The following LAMC1 variants were observed in gnomAD, a reference collection of about 807,000 sequenced individuals.
LAMC1 encodes laminin subunit gamma 1, also known as laminin subunit gamma-1.
A neutral mutation model predicts 173.6 loss-of-function variants in LAMC1; 38 were observed. That is an observed-to-expected ratio of 0.22 (90% confidence interval 0.17 to 0.29). LAMC1 has a LOEUF of 0.29. LAMC1 is among the 10% of genes least tolerant of loss of function. The pLI, the probability that LAMC1 is intolerant of heterozygous loss-of-function variation, is 1.00. For missense variants in LAMC1, 1,824 were observed against 2,051.8 expected (o/e 0.89, Z 2.14); for synonymous variants, 746 against 749.1 (o/e 1.00, Z 0.07).
chr1:183,128,542 C>T (rs1204499096), intron 17 of LAMC1, 52 bp from the exon 18 acceptor site: 21 of 1,505,596 alleles, frequency 1.4e-5, no homozygotes, highest in Non-Finnish European at 1.7e-5. Flanking sequence ...TTGAGTTCTT[C>T]AGGAATACTT....
chr1:183,110,524 G>C lies in LAMC1; in HGVS notation c.891G>C (p.Lys297Asn). 1 of 1,613,764 alleles carries C rather than the reference G, an allele frequency of 6.2e-7. No homozygotes were observed. Among genetic ancestry groups the C allele is most frequent in the African/African-American group, 1.3e-5 (1 of 75,040 alleles). ...ATGGACACGCAAGCGAGTGTATGAA[G>C]AACGAATTTGATAAGCTGGTGTGTA... is the stretch of plus-strand genomic sequence containing the variant. ...KCNGHASECM[K>N]NEFDKLVCNC... The change falls in exon 4 of 28, where the codon AAG becomes AAC. Residue 297 changes from lysine to asparagine, a missense_variant. Coordinates refer to ENST00000258341, the MANE Select transcript of LAMC1 (RefSeq NM_002293.4).
At chr1:183,080,337 A>G (rs1204767458) in intron 1 of LAMC1, among the ~76,000 whole-genome samples, 1 of 152,186 alleles carries the variant, frequency 6.6e-6, no homozygotes, top group Non-Finnish European at 1.5e-5. Context: ...TGTGTCCTTC[A>G]TCATTGATTA....
Position 183,135,095 on chromosome 1 carries a change from A to T in LAMC1, c.4053A>T (p.Glu1351Asp). The T allele has an allele frequency of 1.9e-6, 3 of 1,614,196 alleles. No homozygotes were observed. Among genetic ancestry groups the T allele is most frequent in the Non-Finnish European group, 2.5e-6 (3 of 1,180,014 alleles). Residue 1351 changes from glutamate to aspartate, a missense_variant, in exon 24 of 28, where the codon GAA (glutamate) becomes GAT (aspartate). Coordinates refer to ENST00000258341, the MANE Select transcript of LAMC1 (RefSeq NM_002293.4). ...RADAAKALAE[E>D]AAKKGRDTLQ... is the part of the protein sequence containing the mutation. Reference sequence around the variant, plus strand: ...ATGCTGCCAAGGCCCTCGCTGAAGAAGCTGCAAAGAAGGGACGGGATACCT... The same window carrying T: ...ATGCTGCCAAGGCCCTCGCTGAAGATGCTGCAAAGAAGGGACGGGATACCT...
At chr1:183,135,814 A>C (rs1656924100) in intron 24 of LAMC1, among the ~76,000 whole-genome samples, 1 of 150,756 alleles carries the variant, frequency 6.6e-6, no homozygotes, top group Non-Finnish European at 1.5e-5. Context: ...CCTTGGGCTC[A>C]GGAGGTCAAG....
Position 183,130,360 on chromosome 1 carries a change from G to T in LAMC1, c.3297G>T (p.Leu1099Phe), listed in dbSNP as rs767096946. ...AQDVKDVDQN[L>F]MDRLQRVNNT... ...CCATTTTAGATGTTGACCAGAATTT[G>T]ATGGATCGCCTACAGAGAGTGAATA... The change falls in exon 19 of 28, where the codon TTG becomes TTT. Residue 1099 changes from leucine to phenylalanine, a missense_variant. Transcript: ENST00000258341. 1.1e-5 allele frequency: 18 copies of T among 1,613,950 alleles called. No homozygotes were observed. Among genetic ancestry groups the T allele is most frequent in the Non-Finnish European group, 1.4e-5 (17 of 1,179,936 alleles).
intron 1 of LAMC1, among the ~76,000 whole-genome samples, chr1:183,083,888 T>C (rs763050988): frequency 6.6e-6 from 1 of 152,216 alleles, no homozygotes; most frequent in Non-Finnish European, 1.5e-5. Flanking sequence ...TAAATTGTGA[T>C]ACAGTGCTTT....
chr1:183,090,539 C>T (rs530164730), intron 1 of LAMC1, among the ~76,000 whole-genome samples: 1 of 152,252 alleles, frequency 6.6e-6, no homozygotes, highest in Admixed American at 6.5e-5. Context: ...AGAGAGAGTG[C>T]CAGCTGGCAG....
chr1:183,087,421 G>A (rs12068927), intron 1 of LAMC1, among the ~76,000 whole-genome samples: 6,927 of 152,262 alleles, frequency 0.045, 340 homozygotes, highest in African/African-American at 0.12. Context: ...GTGTGTATGT[G>A]TGTGACATGT....
At chr1:183,130,288 AGAT>A in intron 18 of LAMC1, 53 bp from the exon 19 acceptor site, 1 of 1,439,596 alleles carries the variant, frequency 6.9e-7, no homozygotes, top group Non-Finnish European at 9.8e-7. Flanking sequence ...ATTTCATGTG[AGAT>A]GATATGATCC....
intron 18 of LAMC1, 76 bp downstream of exon 18, chr1:183,128,826 T>G: frequency 9.1e-7 from 1 of 1,093,448 alleles, no homozygotes; most frequent in Middle Eastern, 2.3e-4. Context: ...GCAAGGTTAG[T>G]ATAGTTTTAT....
chr1:183,092,260 A>C lies in LAMC1; in HGVS notation c.419-11068A>C, dbSNP rs553732611. Among the ~76,000 whole-genome samples the C allele has an allele frequency of 4.6e-5, 7 of 152,316 alleles. No homozygotes were observed. The East Asian group carries it at 1.3e-3, about 29-fold the overall frequency. ...CATTCCACAGAAGCCTTTTGTTAGA[A>C]TCTTCAAAGGATGAGAACCAGGATG... On this transcript the variant is annotated intron_variant, in intron 1 of 27. Transcript: ENST00000258341.
intron 14 of LAMC1, 131 bp downstream of exon 14, chr1:183,125,007 A>C: frequency 8.1e-7 from 1 of 1,227,108 alleles, no homozygotes; most frequent in Non-Finnish European, 1.1e-6. Context: ...TTGTCTTTTA[A>C]AATTTTCTAG....
intron 25 of LAMC1, among the ~76,000 whole-genome samples, chr1:183,136,805 T>C (rs963175314): frequency 6.6e-6 from 1 of 152,066 alleles, no homozygotes; most frequent in African/African-American, 2.4e-5. Context: ...TACTCTAAAA[T>C]TTCTACTATG....
chr1:183,084,730 A>G (rs535811949), intron 1 of LAMC1, among the ~76,000 whole-genome samples: 11 of 152,364 alleles, frequency 7.2e-5, no homozygotes, highest in African/African-American at 2.6e-4. Flanking sequence ...ATTCATTTAA[A>G]TTCTCCGTGG....
At chr1:183,056,045 C>A (rs572979786) in intron 1 of LAMC1, among the ~76,000 whole-genome samples, 3 of 152,256 alleles carry the variant, frequency 2.0e-5, no homozygotes, top group African/African-American at 4.8e-5. Flanking sequence ...AGTCCTCTTT[C>A]TTTAGTAAAG....
intron 1 of LAMC1, among the ~76,000 whole-genome samples, chr1:183,102,158 A>G (rs1655853648): frequency 6.6e-6 from 1 of 152,164 alleles, no homozygotes; most frequent in African/African-American, 2.4e-5. Context: ...ACACATGAGG[A>G]ATCGCTCCTT....
At position 183,133,430 on chromosome 1, in the gene LAMC1, A is replaced by G. The variant is rs778192075; in HGVS notation, c.3729A>G (p.Ser1243=). The G allele has an allele frequency of 5.6e-6, 9 of 1,611,300 alleles. No homozygotes were observed. The South Asian group carries it at 9.9e-5, about 18-fold the overall frequency. ...NRKYEQAKNI[S]QDLEKQAARV... is the part of the protein sequence containing the mutation. Reference sequence around the variant, plus strand: ...GGTATGAACAAGCGAAGAACATCTCACAGGATCTGGAAAAACAAGCTGCCC... The same window carrying G: ...GGTATGAACAAGCGAAGAACATCTCGCAGGATCTGGAAAAACAAGCTGCCC... Residue 1243 remains serine, a synonymous_variant, in exon 22 of 28, where the codon TCA becomes TCG. Coordinates refer to ENST00000258341, the MANE Select transcript of LAMC1 (RefSeq NM_002293.4).
rs562832398 is a variant in LAMC1 at position 183,042,895 on chromosome 1, A to C, written c.418+18761A>C. On this transcript the variant is annotated intron_variant, in intron 1 of 27. Transcript: ENST00000258341. ...CTATGTCTATCTGCCTCGGAGGAGCACATCCCACATGGGCATTGTCTGAAT... is the reference window on the plus strand; with the variant it reads ...CTATGTCTATCTGCCTCGGAGGAGCCCATCCCACATGGGCATTGTCTGAAT... 2.6e-5 allele frequency among the ~76,000 whole-genome samples: 4 copies of C among 152,302 alleles called. No individual in the cohort carries two copies. In the East Asian group the frequency reaches 7.7e-4, roughly 29 times the overall value.
chr1:183,138,695 A>C (rs775307326), intron 26 of LAMC1: 2 of 152,248 alleles, frequency 1.3e-5, no homozygotes, highest in Admixed American at 6.5e-5. Context: ...TTTTACAGGT[A>C]GGGGGGTGGA....
Sources: gnomAD v4.1 joint callset for allele counts (sites outside exome capture counted in the v4.1 genomes callset) on GRCh38, gnomAD v4.1.1 for gene constraint, MANE v1.5 for transcripts, NCBI Gene and HGNC (gene_info 2026-07-23, HGNC 2026-07-21) for gene names.